DOCK2: variants seen among roughly 807,000 people sequenced by gnomAD.
DOCK2 encodes dedicator of cytokinesis 2.
In DOCK2, 87 loss-of-function variants were observed where a neutral mutation model predicts 248.9. The ratio of observed to expected loss-of-function variants is 0.35; its 90% CI spans 0.29 to 0.42. DOCK2 has a LOEUF of 0.42. DOCK2 is among the 10% of genes least tolerant of loss of function. DOCK2 has a pLI of 1.00. For synonymous variants in DOCK2, 805 were observed against 821.6 expected (o/e 0.98, Z 0.35); for missense variants, 1,747 against 2,300.2 (o/e 0.76, Z 4.92).
chr5:170,042,786 A>G lies in DOCK2; in HGVS notation c.3876+654A>G, dbSNP rs117136441. On this transcript the variant is annotated intron_variant, in intron 38 of 51. Transcript: ENST00000520908. ...TGGCTTCTTCAAAGCACTTGTTCCT[A>G]TGAGACATCATCTTGTTCATTTTCT... Among the ~76,000 whole-genome samples, 17 of 152,306 alleles carry G rather than the reference A, an allele frequency of 1.1e-4. No homozygotes were observed. The East Asian group carries it at 3.1e-3, about 28-fold the overall frequency.
At chr5:169,974,148 T>G (rs1216709213) in intron 27 of DOCK2, among the ~76,000 whole-genome samples, 2 of 152,230 alleles carry the variant, frequency 1.3e-5, no homozygotes, top group South Asian at 2.1e-4. Flanking sequence ...GTCAAGCTGA[T>G]CTAGGCAACC....
chr5:169,865,371 C>T (rs930674606), intron 27 of DOCK2, among the ~76,000 whole-genome samples: 1 of 152,162 alleles, frequency 6.6e-6, no homozygotes, highest in African/African-American at 2.4e-5. Context: ...GGTGCTGATG[C>T]TGTCTGTGAC....
intron 27 of DOCK2, among the ~76,000 whole-genome samples, chr5:169,902,996 G>A (rs970020981): frequency 2.6e-5 from 4 of 152,094 alleles, no homozygotes; most frequent in Middle Eastern, 3.2e-3. Context: ...TACTCGGGAG[G>A]CTGAGGCAGG....
At chr5:170,019,294 G>C (rs866252538) in intron 33 of DOCK2, among the ~76,000 whole-genome samples, 186 bp downstream of exon 33, 1 of 152,110 alleles carries the variant, frequency 6.6e-6, no homozygotes, top group Non-Finnish European at 1.5e-5. Flanking sequence ...AAGCTTTTCC[G>C]TCCAAGGACA....
At chr5:170,019,249 T>C in intron 33 of DOCK2, 141 bp downstream of exon 33, 2 of 1,306,782 alleles carry the variant, frequency 1.5e-6, no homozygotes, top group East Asian at 2.4e-5. Flanking sequence ...GGGTCCGGAA[T>C]GAGCTGGCAG....
chr5:169,910,542 T>A (rs1019479318), intron 27 of DOCK2, among the ~76,000 whole-genome samples: 2 of 140,660 alleles, frequency 1.4e-5, no homozygotes, highest in African/African-American at 4.9e-5. Flanking sequence ...GTTTTCAGCA[T>A]CCTTTCCCTG....
intron 32 of DOCK2, among the ~76,000 whole-genome samples, chr5:170,010,848 G>A (rs1363862258): frequency 6.6e-6 from 1 of 152,200 alleles, no homozygotes; most frequent in African/African-American, 2.4e-5. Context: ...TGCTTTGTTT[G>A]TTTCAAGTCC....
rs775556461 is a variant in DOCK2 at position 170,050,291 on chromosome 5, G to A, written c.4107G>A (p.Glu1369=). The A allele has an allele frequency of 2.5e-6, 4 of 1,614,052 alleles. No homozygotes were observed. Among genetic ancestry groups the A allele is most frequent in the East Asian group, 2.2e-5 (1 of 44,898 alleles). The change falls in exon 41 of 52, where the codon GAG becomes GAA. Residue 1369 remains glutamate (E), a synonymous_variant. Coordinates refer to ENST00000520908, the MANE Select transcript of DOCK2 (RefSeq NM_004946.3). ...KVFIYRGKEY[E]RREDFQMQLM... ...TCATCTACCGCGGGAAGGAATATGA[G>A]CGAAGAGAAGATTTCCAGATGCAGC...
At chr5:169,682,875 T>C (rs892785563) in intron 7 of DOCK2, among the ~76,000 whole-genome samples, 6 of 152,198 alleles carry the variant, frequency 3.9e-5, no homozygotes, top group African/African-American at 1.2e-4. Context: ...TAGAGTTTCA[T>C]ATAAGTGGAA....
intron 27 of DOCK2, among the ~76,000 whole-genome samples, chr5:169,904,508 G>C (rs1774158675): frequency 6.6e-6 from 1 of 152,110 alleles, no homozygotes; most frequent in African/African-American, 2.4e-5. Context: ...GCAGGGGAGG[G>C]CCTGAGGGAG....
intron 39 of DOCK2, among the ~76,000 whole-genome samples, chr5:170,046,409 C>A (rs879618976): frequency 1.3e-5 from 2 of 152,096 alleles, no homozygotes; most frequent in Admixed American, 1.3e-4. Context: ...CTGGGTTTGG[C>A]GGGGAGTTGG....
intron 33 of DOCK2, among the ~76,000 whole-genome samples, chr5:170,023,771 A>T (rs1755811077): frequency 6.6e-6 from 1 of 152,174 alleles, no homozygotes; most frequent in South Asian, 2.1e-4. Context: ...ACTGGTGTTG[A>T]TGTCATCCTT....
intron 27 of DOCK2, among the ~76,000 whole-genome samples, chr5:169,949,866 T>G (rs1259848092): frequency 6.6e-6 from 1 of 151,928 alleles, no homozygotes; most frequent in Non-Finnish European, 1.5e-5. Flanking sequence ...CAAATGCAAA[T>G]AGACTCTTCA....
In DOCK2 at chr5:169,864,485, G is replaced by A. The variant is rs1329493862; in HGVS notation, c.2799+23633G>A. On this transcript the variant is annotated intron_variant, in intron 27 of 51. Transcript: ENST00000520908. ...CTGAAAAACACAGAGAGGAAGGAAGGAAAGTGAATTCGAATCAGCACAGAC... is the reference window on the plus strand; with the variant it reads ...CTGAAAAACACAGAGAGGAAGGAAGAAAAGTGAATTCGAATCAGCACAGAC... The A allele has an allele frequency of 2.7e-6, 4 of 1,489,590 alleles. No homozygotes were observed. The African/African-American group carries it at 4.2e-5, about 16-fold the overall frequency. 92.3% of individuals were successfully genotyped at this position (1,489,590 alleles called of 1,614,324 possible).
chr5:169,685,068 C>G (rs767016490), intron 8 of DOCK2, among the ~76,000 whole-genome samples: 9 of 152,236 alleles, frequency 5.9e-5, no homozygotes, highest in Non-Finnish European at 5.9e-5. Flanking sequence ...CCAGCCTTTA[C>G]TCTTTCTTAA....
chr5:169,971,249 T>C (rs574797413), intron 27 of DOCK2, among the ~76,000 whole-genome samples: 1 of 150,868 alleles, frequency 6.6e-6, no homozygotes, highest in Non-Finnish European at 1.5e-5. Context: ...CAATGAAGTA[T>C]CATTCCCAGA....
chr5:169,916,152 G>A (rs1052297040), intron 27 of DOCK2, among the ~76,000 whole-genome samples: 1 of 152,202 alleles, frequency 6.6e-6, no homozygotes, highest in Non-Finnish European at 1.5e-5. Context: ...ACTCTACCGG[G>A]CAGAAGCAGA....
chr5:170,007,899 C>G (rs1755108114), intron 30 of DOCK2, among the ~76,000 whole-genome samples: 1 of 152,170 alleles, frequency 6.6e-6, no homozygotes, highest in Non-Finnish European at 1.5e-5. Flanking sequence ...TAGGCAGCGG[C>G]CAGAGAATTT....
intron 1 of DOCK2, among the ~76,000 whole-genome samples, chr5:169,646,944 C>T (rs1757503419): frequency 6.6e-6 from 1 of 152,186 alleles, no homozygotes; most frequent in Non-Finnish European, 1.5e-5. Context: ...AGTGATGGTC[C>T]TTAGCTGGGT....
Sources: allele counts gnomAD v4.1 joint callset (sites outside exome capture counted in the v4.1 genomes callset), GRCh38; gene constraint gnomAD v4.1.1; transcripts MANE v1.5; gene names NCBI Gene and HGNC (gene_info 2026-07-23, HGNC 2026-07-21).